The following P2RY13 variants were observed in gnomAD, a reference collection of about 807,000 sequenced individuals.
P2RY13 encodes purinergic receptor P2Y13.
For missense variants in P2RY13, 412 were observed against 418.4 expected (o/e 0.98, Z 0.13); for synonymous variants, 150 against 155.1 (o/e 0.97, Z 0.24).
rs1043515254 is a variant in P2RY13 at position 151,326,569 on chromosome 3, A to G, written c.*1422T>C. ...TTCACAGATGGATAAGAGTCTTCCAAGTGTACCAGGGGGAAATATACATGT... is the reference window on the plus strand; with the variant it reads ...TTCACAGATGGATAAGAGTCTTCCAGGTGTACCAGGGGGAAATATACATGT... On this transcript the variant is annotated 3_prime_UTR_variant, in exon 2 of 2. Coordinates refer to ENST00000325602, the MANE Select transcript of P2RY13 (RefSeq NM_176894.3). 7 of 152,248 alleles carry G rather than the reference A, an allele frequency of 4.6e-5. No individual in the cohort carries two copies. The highest frequency in any genetic ancestry group is 1.7e-4 in the African/African-American group (7 of 41,450). 9.4% of individuals were successfully genotyped at this position (152,248 alleles called of 1,614,324 possible).
In P2RY13 at chr3:151,326,462, A is replaced by AGGAG. The variant is rs1417114839; in HGVS notation, c.*1525_*1528dup. The AGGAG allele has an allele frequency of 1.3e-5, 2 of 152,762 alleles. No individual in the cohort carries two copies. Among genetic ancestry groups the AGGAG allele is most frequent in the African/African-American group, 4.8e-5 (2 of 41,558 alleles). 9.5% of individuals were successfully genotyped at this position (152,762 alleles called of 1,614,324 possible). ...ATAATATAGGTGTGACAGCATACAG[A>AGGAG]GGAGGGGGTGATTGGGTTTGAGGTG... On this transcript the variant is annotated 3_prime_UTR_variant, in exon 2 of 2. Coordinates refer to ENST00000325602, the MANE Select transcript of P2RY13 (RefSeq NM_176894.3).
Position 151,328,055 on chromosome 3 carries a change from C to G in P2RY13, c.1001G>C (p.Arg334Thr). 6.2e-7 allele frequency: 1 copy of G among 1,606,398 alleles called. No homozygotes were observed. The highest frequency in any genetic ancestry group is 1.7e-5 in the Admixed American group (1 of 58,318). ...TTCTTGGCTTGATGCTGTGGTCTTT[C>G]TCCCTTGCATACATGGTAGCTTTTC... The part of the protein sequence containing the change: ...FTEKLPCMQG[R>T]KTTASSQENH... The change falls in exon 2 of 2, where the codon AGA becomes ACA. Residue 334 changes from arginine to threonine, a missense_variant. By Grantham distance (71) the Arg-to-Thr change is moderately conservative (BLOSUM62 -1). Coordinates refer to ENST00000325602, the MANE Select transcript of P2RY13 (RefSeq NM_176894.3).
In P2RY13 at chr3:151,329,449, G is replaced by C; in HGVS notation, c.48+32C>G. 3.5e-6 allele frequency: 5 copies of C among 1,412,648 alleles called. 1 individual carries two copies. The South Asian group carries it at 6.3e-5, about 18-fold the overall frequency. 87.5% of individuals were successfully genotyped at this position (1,412,648 alleles called of 1,614,324 possible). On this transcript the variant is annotated intron_variant, in intron 1 of 1. Coordinates refer to ENST00000325602, the MANE Select transcript of P2RY13 (RefSeq NM_176894.3). ...TAAGCATATTCTTTTATATAAGCAA[G>C]CACACTCATAATAACAAAAATTGAA...
Position 151,328,625 on chromosome 3 carries a change from T to C in P2RY13, c.431A>G (p.Lys144Arg), listed in dbSNP as rs758720888. The change falls in exon 2 of 2, where the codon AAG becomes AGG. Residue 144 changes from lysine to arginine, a missense_variant. Physicochemically the swap from Lys to Arg is conservative, Grantham distance 26. Transcript: ENST00000325602. Reference protein sequence around the residue: ...LGLIAFDRFLKIIRPLRNIFL... With the variant: ...LGLIAFDRFLRIIRPLRNIFL... ...AATATTTCTCAAAGGTCTGATGATCTTGAGGAATCTGTCAAAGGCTATGAG... is the reference window on the plus strand; with the variant it reads ...AATATTTCTCAAAGGTCTGATGATCCTGAGGAATCTGTCAAAGGCTATGAG... 2.5e-6 allele frequency: 4 copies of C among 1,613,822 alleles called. No individual in the cohort carries two copies. Among genetic ancestry groups the C allele is most frequent in the South Asian group, 2.2e-5 (2 of 91,056 alleles).
chr3:151,328,165 A>C lies in P2RY13; in HGVS notation c.891T>G (p.Ile297Met). The C allele has an allele frequency of 6.2e-7, 1 of 1,613,262 alleles. No homozygotes were observed. Among genetic ancestry groups the C allele is most frequent in the South Asian group, 1.1e-5 (1 of 90,932 alleles). ...TDCRLQNQLF[I>M]AKETTLFLAA... ...CCAAAAAGAGAGTTGTTTCTTTAGC[A>C]ATAAACAGTTGATTTTGCAGTCTAC... Residue 297 changes from isoleucine (I) to methionine (M), a missense_variant, in exon 2 of 2, where the codon ATT becomes ATG. By Grantham distance (10) the Ile-to-Met change is conservative. Transcript: ENST00000325602.
chr3:151,326,886 A>C lies in P2RY13; in HGVS notation c.*1105T>G, dbSNP rs1343286221. The C allele has an allele frequency of 3.3e-5, 5 of 152,192 alleles. No homozygotes were observed. Among genetic ancestry groups the C allele is most frequent in the African/African-American group, 1.2e-4 (5 of 41,454 alleles). 9.4% of individuals were successfully genotyped at this position (152,192 alleles called of 1,614,324 possible). A position where few individuals can be genotyped will look rare whatever the true frequency, so the allele number is the denominator to read the frequency against. Reference sequence around the variant, plus strand: ...ACTTTTTTGAATCACAGAAGGATGCAAGAAAAAATACCAAGGTAAATAAAT... The same window carrying C: ...ACTTTTTTGAATCACAGAAGGATGCCAGAAAAAATACCAAGGTAAATAAAT... On this transcript the variant is annotated 3_prime_UTR_variant, in exon 2 of 2. Coordinates refer to ENST00000325602, the MANE Select transcript of P2RY13 (RefSeq NM_176894.3).
In P2RY13 at chr3:151,328,324, A is replaced by G; in HGVS notation, c.732T>C (p.Ser244=). 5 of 1,613,442 alleles carry G rather than the reference A, an allele frequency of 3.1e-6. No homozygotes were observed. Among genetic ancestry groups the G allele is most frequent in the Non-Finnish European group, 4.2e-6 (5 of 1,179,724 alleles). The change falls in exon 2 of 2, where the codon AGT becomes AGC. Residue 244 remains serine (S), a synonymous_variant. Coordinates refer to ENST00000325602, the MANE Select transcript of P2RY13 (RefSeq NM_176894.3). ...GCTTTTTGTTGTTTTTTCTGTCCTT[A>G]CTTTTGGACTTTCTATAAGAATCAT... ...KVYDSYRKSK[S]KDRKNNKKLE... is the part of the protein sequence containing the mutation.
intron 1 of P2RY13, 95 bp downstream of exon 1, chr3:151,329,386 G>T: frequency 2.8e-6 from 2 of 709,582 alleles, no homozygotes; most frequent in South Asian, 1.9e-5. Flanking sequence ...ATAAACTATG[G>T]TTTGTAGAAT....
At position 151,328,896 on chromosome 3, in the gene P2RY13, C is replaced by T. The variant is rs902661215; in HGVS notation, c.160G>A (p.Val54Ile). 1 of 1,614,026 alleles carries T rather than the reference C, an allele frequency of 6.2e-7. No individual in the cohort carries two copies. The highest frequency in any genetic ancestry group is 8.5e-7 in the Non-Finnish European group (1 of 1,179,940). The change falls in exon 2 of 2, where the codon GTT becomes ATT. Residue 54 changes from valine to isoleucine, a missense_variant. Transcript: ENST00000325602. Reference protein sequence around the residue: ...QLVFPALYTVVFLTGILLNTL... With the variant: ...QLVFPALYTVIFLTGILLNTL... The stretch of plus-strand genomic sequence containing the variant: ...TTCAGCAGGATGCCGGTCAAGAAAA[C>T]CACTGTGTAGAGGGCTGGGAATACC...
At position 151,328,013 on chromosome 3, in the gene P2RY13, G is replaced by T; in HGVS notation, c.1043C>A (p.Thr348Lys). 1 of 1,583,330 alleles carries T rather than the reference G, an allele frequency of 6.3e-7. No homozygotes were observed. The highest frequency in any genetic ancestry group is 8.6e-7 in the Non-Finnish European group (1 of 1,167,914). ...TTGTCAGCCTAAGGTTATGTTGTCT[G>T]TCTGACTGCTATGATTTTCTTGGCT... ...ASSQENHSSQ[T>K]DNITLG Residue 348 changes from threonine to lysine, a missense_variant, in exon 2 of 2, where the codon ACA (threonine) becomes AAA (lysine). Thr to Lys is a moderately conservative substitution (Grantham distance 78, BLOSUM62 -1). Transcript: ENST00000325602.
Position 151,327,359 on chromosome 3 carries a change from T to C in P2RY13, c.*632A>G, listed in dbSNP as rs1749738737. 1 of 152,184 alleles carries C rather than the reference T, an allele frequency of 6.6e-6. No individual in the cohort carries two copies. Among genetic ancestry groups the C allele is most frequent in the Admixed American group, 6.5e-5 (1 of 15,274 alleles). The allele number at this position is 152,184 out of a possible 1,614,324, so 9.4% of individuals were successfully genotyped here. Reference sequence around the variant, plus strand: ...ACACTTGAATTGTACACACTTAAGGTGTAAGCAAAGTGGCTTAATAATGGT... The same window carrying C: ...ACACTTGAATTGTACACACTTAAGGCGTAAGCAAAGTGGCTTAATAATGGT... On this transcript the variant is annotated 3_prime_UTR_variant, in exon 2 of 2. Coordinates refer to ENST00000325602, the MANE Select transcript of P2RY13 (RefSeq NM_176894.3).
At position 151,328,904 on chromosome 3, in the gene P2RY13, TAG is replaced by T; in HGVS notation, c.150_151del (p.Tyr51HisfsTer52). ...GATGCCGGTCAAGAAAACCACTGTGTAGAGGGCTGGGAATACCAGCTGTACTA... is the reference window on the plus strand; with the variant it reads ...GATGCCGGTCAAGAAAACCACTGTGTAGGGCTGGGAATACCAGCTGTACTA... On this transcript the variant is annotated frameshift_variant, in exon 2 of 2. Transcript: ENST00000325602. LOFTEE classifies it low-confidence loss of function (END_TRUNC). 1 of 1,613,912 alleles carries T rather than the reference TAG, an allele frequency of 6.2e-7. No individual in the cohort carries two copies. The highest frequency in any genetic ancestry group is 8.5e-7 in the Non-Finnish European group (1 of 1,179,880).
chr3:151,327,734 T>TAAAAAAAA lies in P2RY13; in HGVS notation c.*249_*256dup, dbSNP rs63497161. ...TGTTAAAGTGAAATGCTCTTGAAATTAAAAAAAAAAAAAAAGAAAGAAAGA... is the reference window on the plus strand; with the variant it reads ...TGTTAAAGTGAAATGCTCTTGAAATTAAAAAAAAAAAAAAAAAAAAAAAGAAAGAAAGA... On this transcript the variant is annotated 3_prime_UTR_variant, in exon 2 of 2. Transcript: ENST00000325602. The TAAAAAAAA allele has an allele frequency of 4.1e-6, 1 of 245,102 alleles. No homozygotes were observed. The highest frequency in any genetic ancestry group is 7.5e-6 in the Non-Finnish European group (1 of 133,780). The allele number at this position is 245,102 out of a possible 1,614,324, so 15.2% of individuals were successfully genotyped here.
At position 151,328,163 on chromosome 3, in the gene P2RY13, G is replaced by A. The variant is rs771759173; in HGVS notation, c.893C>T (p.Ala298Val). The change falls in exon 2 of 2, where the codon GCT becomes GTT. Residue 298 changes from alanine (A) to valine (V), a missense_variant. Coordinates refer to ENST00000325602, the MANE Select transcript of P2RY13 (RefSeq NM_176894.3). ...TGCCAAAAAGAGAGTTGTTTCTTTAGCAATAAACAGTTGATTTTGCAGTCT... is the reference window on the plus strand; with the variant it reads ...TGCCAAAAAGAGAGTTGTTTCTTTAACAATAAACAGTTGATTTTGCAGTCT... ...DCRLQNQLFI[A>V]KETTLFLAAT... The A allele has an allele frequency of 6.2e-7, 1 of 1,612,872 alleles. No homozygotes were observed. Among genetic ancestry groups the A allele is most frequent in the Non-Finnish European group, 8.5e-7 (1 of 1,179,406 alleles).
At position 151,328,830 on chromosome 3, in the gene P2RY13, A is replaced by T; in HGVS notation, c.226T>A (p.Ser76Thr). The T allele has an allele frequency of 6.2e-7, 1 of 1,613,974 alleles. No individual in the cohort carries two copies. Among genetic ancestry groups the T allele is most frequent in the South Asian group, 1.1e-5 (1 of 91,084 alleles). The change falls in exon 2 of 2, where the codon TCC becomes ACC. Residue 76 changes from serine (S) to threonine (T), a missense_variant. By Grantham distance (58) the Ser-to-Thr change is moderately conservative (BLOSUM62 1). Coordinates refer to ENST00000325602, the MANE Select transcript of P2RY13 (RefSeq NM_176894.3). ...TTTTTGAGGTAGATGATGAAGGTGG[A>T]GGAGCTGGGGATGTGAACAAACACC... ...LWVFVHIPSS[S>T]TFIIYLKNTL...
In P2RY13 at chr3:151,327,873, G is replaced by A. The variant is rs1491980; in HGVS notation, c.*118C>T. ...ATTTTATATAATCTTTTCTGTACAC[G>A]AGGATAATAAAATGTAAGAGAGCAT... On this transcript the variant is annotated 3_prime_UTR_variant, in exon 2 of 2. Coordinates refer to ENST00000325602, the MANE Select transcript of P2RY13 (RefSeq NM_176894.3). 1.8e-5 allele frequency: 13 copies of A among 716,754 alleles called. No individual in the cohort carries two copies. The highest frequency in any genetic ancestry group is 7.9e-5 in the East Asian group (3 of 38,120). The allele number at this position is 716,754 out of a possible 1,614,324, so 44.4% of individuals were successfully genotyped here. A position where few individuals can be genotyped will look rare whatever the true frequency, so the allele number is the denominator to read the frequency against.
rs199623818 is a variant in P2RY13 at position 151,328,571 on chromosome 3, G to A, written c.485C>T (p.Thr162Met). ...IFLKKPVFAK[T>M]VSIFIWFFLF... ...AAAGAACCAGATGAAGATTGAGACC[G>A]TTTTTGCAAAAACAGGTTTTTTTAG... Residue 162 changes from threonine to methionine, a missense_variant, in exon 2 of 2, where the codon ACG becomes ATG. Coordinates refer to ENST00000325602, the MANE Select transcript of P2RY13 (RefSeq NM_176894.3). 9.0e-5 allele frequency: 146 copies of A among 1,613,448 alleles called. No individual in the cohort carries two copies. The highest frequency in any genetic ancestry group is 1.1e-4 in the Non-Finnish European group (132 of 1,179,740).
In P2RY13 at chr3:151,327,947, CG is replaced by C. The variant is rs1560032788; in HGVS notation, c.*43del. On this transcript the variant is annotated 3_prime_UTR_variant, in exon 2 of 2. Coordinates refer to ENST00000325602, the MANE Select transcript of P2RY13 (RefSeq NM_176894.3). ...TTAAATTTGATTTCCACATTATCTA[CG>C]GAAGTCTCATCAATAAATAGAAGTT... 2.2e-6 allele frequency: 3 copies of C among 1,333,734 alleles called. No homozygotes were observed. The highest frequency in any genetic ancestry group is 3.1e-6 in the Non-Finnish European group (3 of 983,604). 82.6% of individuals were successfully genotyped at this position (1,333,734 alleles called of 1,614,324 possible).
Position 151,328,476 on chromosome 3 carries a change from A to C in P2RY13, c.580T>G (p.Cys194Gly), listed in dbSNP as rs1295034775. 1 of 1,614,054 alleles carries C rather than the reference A, an allele frequency of 6.2e-7. No homozygotes were observed. Among genetic ancestry groups the C allele is most frequent in the Admixed American group, 1.7e-5 (1 of 59,968 alleles). ...CCCAGAGGCCCCTTTAAGGAAGCAC[A>C]CTTTTTCACAGACGATGGTGTTGCT... ...KEATPSSVKK[C>G]ASLKGPLGLK... Residue 194 changes from cysteine (C) to glycine (G), a missense_variant, in exon 2 of 2, where the codon TGT (cysteine) becomes GGT (glycine). Cys to Gly is a radical substitution (Grantham distance 159). Transcript: ENST00000325602.
Sources: gnomAD v4.1 joint callset for allele counts on GRCh38, gnomAD v4.1.1 for gene constraint, MANE v1.5 for transcripts, NCBI Gene and HGNC (gene_info 2026-07-23, HGNC 2026-07-21) for gene names.